NADSYN1: variants seen among roughly 807,000 people sequenced by gnomAD.
The protein encoded by NADSYN1 is glutamine-dependent NAD(+) synthetase.
In NADSYN1, 80 loss-of-function variants were observed where a neutral mutation model predicts 99.3. That is an observed-to-expected ratio of 0.81 (90% CI 0.67 to 0.97). The LOEUF (loss-of-function observed/expected upper bound fraction) is 0.97, where lower values mean the gene tolerates loss of function less well. Ranked by LOEUF, NADSYN1 falls within the 50% of genes least tolerant of loss-of-function variation. The pLI is 0.00. For missense variants in NADSYN1, 859 were observed against 948.5 expected, an observed-to-expected ratio of 0.91 and a Z score of 1.24; for synonymous variants, 385 against 372.1, an observed-to-expected ratio of 1.03 and a Z score of -0.40.
At chr11:71,482,792 T>G in intron 13 of NADSYN1, 57 bp from the exon 14 acceptor site, 2 of 1,586,022 alleles carry the variant, frequency 1.3e-6, no homozygotes, top group South Asian at 1.1e-5. Context: ...GGTGGAACTA[T>G]GTAAACATCC....
rs1483713559 is a variant in NADSYN1, at chr11:71,501,622, G to A, written c.*270G>A. On this transcript the variant is annotated 3_prime_UTR_variant, in exon 21 of 21. Coordinates refer to ENST00000319023, the MANE Select transcript of NADSYN1 (RefSeq NM_018161.5). ...AGTCTGGCATTCTCCGAAGGAAGCCGCCTGGGTAGGAGGGTTCCAACCGCC... is the reference window on the plus strand; with the variant it reads ...AGTCTGGCATTCTCCGAAGGAAGCCACCTGGGTAGGAGGGTTCCAACCGCC... 8 of 501,044 alleles carry A rather than the reference G, an allele frequency of 1.6e-5. No individual in the cohort carries two copies. Among genetic ancestry groups the A allele is most frequent in the East Asian group, 3.4e-5 (1 of 29,284 alleles). The allele number at this position is 501,044 out of a possible 1,614,324, so 31.0% of individuals were successfully genotyped here. A position where few individuals can be genotyped will look rare whatever the true frequency, so the allele number is the denominator to read the frequency against.
At chr11:71,492,778 A>G (rs1949791539) in intron 18 of NADSYN1, among the ~76,000 whole-genome samples, 1 of 152,198 alleles carries the variant, frequency 6.6e-6, no homozygotes, top group Non-Finnish European at 1.5e-5. Flanking sequence ...ACTGCATGAC[A>G]CTATAGATCA....
chr11:71,476,142 C>T (rs1249609033), intron 9 of NADSYN1: 1 of 456,072 alleles, frequency 2.2e-6, no homozygotes. Context: ...TGGGTGGGAG[C>T]GTCTCCACTC....
At chr11:71,473,845 AG>A (rs1265182817) in intron 8 of NADSYN1, among the ~76,000 whole-genome samples, 159 bp downstream of exon 8, 1 of 152,188 alleles carries the variant, frequency 6.6e-6, no homozygotes, top group Non-Finnish European at 1.5e-5. Flanking sequence ...GCTGCCCTCC[AG>A]GGCTTCGCCG....
chr11:71,495,226 T>C (rs1949811327), intron 18 of NADSYN1, among the ~76,000 whole-genome samples: 1 of 152,254 alleles, frequency 6.6e-6, no homozygotes, highest in East Asian at 1.9e-4. Flanking sequence ...TGTTGTGTCT[T>C]CATTTCATTT....
At chr11:71,498,553 T>A in intron 20 of NADSYN1, 25 bp downstream of exon 20, 1 of 1,609,652 alleles carries the variant, frequency 6.2e-7, no homozygotes, top group Non-Finnish European at 8.5e-7. Flanking sequence ...AATGTTTCTC[T>A]CTCCATGTTT....
intron 20 of NADSYN1, 93 bp from the exon 21 acceptor site, chr11:71,501,209 G>A (rs1427248529): frequency 8.3e-7 from 1 of 1,211,000 alleles, no homozygotes; most frequent in South Asian, 1.7e-5. Flanking sequence ...TTCACCTCTG[G>A]GACTTGTGAC....
chr11:71,483,125 C>T (rs1457954638), intron 14 of NADSYN1, 108 bp downstream of exon 14: 4 of 1,339,934 alleles, frequency 3.0e-6, no homozygotes, highest in South Asian at 2.6e-5. Context: ...CATTCCGCAT[C>T]GTGTCATCCA....
chr11:71,501,174 G>T, intron 20 of NADSYN1, 128 bp from the exon 21 acceptor site: 1 of 841,724 alleles, frequency 1.2e-6, no homozygotes, highest in Non-Finnish European at 1.8e-6. Context: ...CCCAGCATCT[G>T]GTGGGGACTC....
At chr11:71,468,908 A>G (rs559065951) in intron 5 of NADSYN1, among the ~76,000 whole-genome samples, 1 of 152,246 alleles carries the variant, frequency 6.6e-6, no homozygotes, top group African/African-American at 2.4e-5. Flanking sequence ...ATGGCTAACT[A>G]TAACCAGAGA....
chr11:71,498,201 A>C, intron 19 of NADSYN1, 151 bp from the exon 20 acceptor site: 1 of 859,096 alleles, frequency 1.2e-6, no homozygotes, highest in Non-Finnish European at 1.7e-6. Context: ...CCCCGGCCTG[A>C]GCACGGGCAT....
Position 71,476,999 on chromosome 11 carries a change from T to C in NADSYN1, c.799-1396T>C, listed in dbSNP as rs142995273. On this transcript the variant is annotated intron_variant, in intron 9 of 20. Transcript: ENST00000319023. ...TGCTGTATTCAGAGTGGCCGCGCTG[T>C]CCTCAGGCTCGGGCCACTGCCCTCC... The C allele has an allele frequency of 3.1e-3, 3,277 of 1,049,124 alleles. 72 individuals carry two copies. The African/African-American group carries it at 0.052, about 17-fold the overall frequency. The allele number at this position is 1,049,124 out of a possible 1,614,324, so 65.0% of individuals were successfully genotyped here.
intron 3 of NADSYN1, among the ~76,000 whole-genome samples, chr11:71,462,677 C>G (rs1949558067): frequency 6.6e-6 from 1 of 152,228 alleles, no homozygotes; most frequent in South Asian, 2.1e-4. Flanking sequence ...TAGCCAGTGG[C>G]AAGGCTGGAA....
At position 71,464,060 on chromosome 11, in the gene NADSYN1, C is replaced by T. The variant is rs1244665357; in HGVS notation, c.325C>T (p.Leu109=). The stretch of plus-strand genomic sequence containing the variant: ...CTGTTCCCCTGTCTGCAGGAAGATC[C>T]TGCTCATCAGACCCAAGATGGCCTT... ...CRVIFLNRKI[L]LIRPKMALAN... The change falls in exon 5 of 21, where the codon CTG becomes TTG. Residue 109 remains leucine, a synonymous_variant. Coordinates refer to ENST00000319023, the MANE Select transcript of NADSYN1 (RefSeq NM_018161.5). 1 of 1,611,512 alleles carries T rather than the reference C, an allele frequency of 6.2e-7. No individual in the cohort carries two copies. Among genetic ancestry groups the T allele is most frequent in the Non-Finnish European group, 8.5e-7 (1 of 1,178,916 alleles).
intron 20 of NADSYN1, 82 bp downstream of exon 20, chr11:71,498,610 A>C: frequency 6.7e-7 from 1 of 1,503,056 alleles, no homozygotes; most frequent in Non-Finnish European, 9.1e-7. Flanking sequence ...AGGATTGAAA[A>C]ACTTTCTTAT....
chr11:71,494,898 T>C (rs1949809425), intron 18 of NADSYN1, among the ~76,000 whole-genome samples: 1 of 152,196 alleles, frequency 6.6e-6, no homozygotes, highest in Non-Finnish European at 1.5e-5. Flanking sequence ...CTGTCTTTCA[T>C]TACTGATTTT....
chr11:71,481,812 A>T, intron 12 of NADSYN1, 111 bp from the exon 13 acceptor site: 1 of 858,540 alleles, frequency 1.2e-6, no homozygotes, highest in Non-Finnish European at 1.8e-6. Flanking sequence ...GCTAACACCC[A>T]CGTGCATTTC....
intron 18 of NADSYN1, among the ~76,000 whole-genome samples, chr11:71,495,753 A>G (rs1456335644): frequency 3.3e-5 from 5 of 152,242 alleles, no homozygotes; most frequent in African/African-American, 1.2e-4. Context: ...TGTGGTGAGC[A>G]ACACAGACGT....
intron 5 of NADSYN1, among the ~76,000 whole-genome samples, chr11:71,470,968 G>C (rs1289594434): frequency 6.6e-6 from 1 of 152,066 alleles, no homozygotes; most frequent in Non-Finnish European, 1.5e-5. Context: ...GCTCTATCCT[G>C]TGCTTTGTTT....
Sources: allele counts gnomAD v4.1 joint callset (sites outside exome capture counted in the v4.1 genomes callset), GRCh38; gene constraint gnomAD v4.1.1; transcripts MANE v1.5; gene names NCBI Gene and HGNC (gene_info 2026-07-23, HGNC 2026-07-21).